NREP: variants seen among roughly 807,000 people sequenced by gnomAD.
NREP encodes the protein neuronal regeneration-related protein.
Under a neutral mutation model 8.6 loss-of-function variants are expected in NREP, and 5 were observed. The observed-to-expected ratio is 0.58, with a 90% CI of 0.30 to 1.22. The LOEUF (loss-of-function observed/expected upper bound fraction) is 1.22. Ranked by LOEUF, NREP falls within the 50% of genes most tolerant of loss-of-function variation. The pLI, the probability that NREP is intolerant of heterozygous loss-of-function variation, is 0.07. For missense variants in NREP, 86 were observed against 82.5 expected (o/e 1.04, Z -0.17); for synonymous variants, 27 against 28.0 (o/e 0.96, Z 0.11).
At chr5:111,774,389 T>C (rs1250433257) in intron 2 of NREP, among the ~76,000 whole-genome samples, 1 of 152,160 alleles carries the variant, frequency 6.6e-6, no homozygotes, top group Non-Finnish European at 1.5e-5. Context: ...TTACCTTACA[T>C]GGTAAAAGAG....
intron 2 of NREP, among the ~76,000 whole-genome samples, chr5:111,904,857 C>A (rs1485700155): frequency 6.6e-6 from 1 of 152,082 alleles, no homozygotes; most frequent in Non-Finnish European, 1.5e-5. Context: ...CCTGAACAGA[C>A]CCTTCACGAG....
At chr5:111,872,529 AAGTCCGATGTCC>A (rs1329282841) in intron 2 of NREP, among the ~76,000 whole-genome samples, 4 of 152,202 alleles carry the variant, frequency 2.6e-5, no homozygotes, top group Non-Finnish European at 4.4e-5. Flanking sequence ...GATCTTTAGG[AAGTCCGATGTCC>A]GGCCACTATT....
chr5:111,778,000 A>G (rs894306303), intron 2 of NREP, among the ~76,000 whole-genome samples: 9 of 152,148 alleles, frequency 5.9e-5, no homozygotes, highest in African/African-American at 1.9e-4. Context: ...GCAAAATATC[A>G]AAACAACTTC....
rs62370262 is a variant in NREP, at chr5:111,897,365, A to G, written c.135+77909T>C. Among the ~76,000 whole-genome samples, 816 of 152,324 alleles carry G rather than the reference A, an allele frequency of 5.4e-3. 5 individuals are homozygous for G. The highest frequency in any genetic ancestry group is 8.7e-3 in the Non-Finnish European group (590 of 68,024). ...CAACACTGTGCCAGTGCATTCTACAAGGCAACTCACACTATATGTGATGCC... is the reference window on the plus strand; with the variant it reads ...CAACACTGTGCCAGTGCATTCTACAGGGCAACTCACACTATATGTGATGCC... On this transcript the variant is annotated intron_variant, in intron 2 of 3. Coordinates refer to the NREP transcript ENST00000395634.
intron 2 of NREP, among the ~76,000 whole-genome samples, chr5:111,835,614 C>T (rs1365829331): frequency 2.0e-5 from 3 of 151,858 alleles, no homozygotes; most frequent in Admixed American, 6.6e-5. Context: ...GGGAGGTCAA[C>T]CAAGATAGAA....
At chr5:111,826,445 G>A (rs1035142753) in intron 2 of NREP, among the ~76,000 whole-genome samples, 1 of 152,216 alleles carries the variant, frequency 6.6e-6, no homozygotes, top group African/African-American at 2.4e-5. Flanking sequence ...TTTATGAGCT[G>A]TAACACTGAC....
At chr5:111,936,930 G>A (rs1755700943) in intron 2 of NREP, among the ~76,000 whole-genome samples, 1 of 152,084 alleles carries the variant, frequency 6.6e-6, no homozygotes, top group Admixed American at 6.6e-5. Context: ...TCATGGAAGT[G>A]TTTTTGACTC....
At chr5:111,834,026 G>A (rs970349381) in intron 2 of NREP, among the ~76,000 whole-genome samples, 2 of 152,170 alleles carry the variant, frequency 1.3e-5, no homozygotes, top group African/African-American at 4.8e-5. Flanking sequence ...CCTAAGCTCA[G>A]GCTCCTCTCC....
intron 2 of NREP, among the ~76,000 whole-genome samples, chr5:111,890,116 A>G (rs1433496691): frequency 2.0e-5 from 3 of 152,192 alleles, no homozygotes; most frequent in Admixed American, 6.5e-5. Flanking sequence ...AGGTACAATC[A>G]TTGGTAAGCA....
intron 2 of NREP, among the ~76,000 whole-genome samples, chr5:111,958,189 T>TTTTATG (rs1458121915): frequency 6.8e-6 from 1 of 147,042 alleles, no homozygotes; most frequent in African/African-American, 2.6e-5. Flanking sequence ...ATATATTCTA[T>TTTTATG]TTTATGTTTT....
chr5:111,763,881 A>G (rs1053106565), intron 2 of NREP, among the ~76,000 whole-genome samples: 1 of 152,232 alleles, frequency 6.6e-6, no homozygotes, highest in Non-Finnish European at 1.5e-5. Flanking sequence ...ACAATTATAA[A>G]TGGGTATTTT....
chr5:111,760,417 T>C (rs145333424), upstream of NREP, among the ~76,000 whole-genome samples: 104 of 152,190 alleles, frequency 6.8e-4, no homozygotes, highest in Non-Finnish European at 1.1e-3. Flanking sequence ...AGGATTTTCG[T>C]AGGGAGGAGG....
intron 2 of NREP, among the ~76,000 whole-genome samples, chr5:111,912,922 T>G (rs1754952577): frequency 6.6e-6 from 1 of 152,144 alleles, no homozygotes; most frequent in South Asian, 2.1e-4. Context: ...ATTTTTTTCT[T>G]CCTACACAAA....
intron 2 of NREP, among the ~76,000 whole-genome samples, chr5:111,866,026 A>G (rs1753655993): frequency 6.6e-6 from 1 of 152,208 alleles, no homozygotes; most frequent in Non-Finnish European, 1.5e-5. Context: ...CTTAAAATGC[A>G]GAGCTCTCTT....
At chr5:111,874,834 T>C (rs1040562858) in intron 2 of NREP, among the ~76,000 whole-genome samples, 4 of 152,138 alleles carry the variant, frequency 2.6e-5, no homozygotes, top group African/African-American at 7.2e-5. Context: ...TAAAGTGAAC[T>C]AAATAGGATG....
At chr5:111,838,759 TATA>T (rs1196085617) in intron 2 of NREP, among the ~76,000 whole-genome samples, 3 of 152,046 alleles carry the variant, frequency 2.0e-5, no homozygotes, top group Admixed American at 1.3e-4. Context: ...AAGACATACA[TATA>T]ATGATATAAT....
At chr5:111,814,873 T>C (rs534632691) in intron 2 of NREP, among the ~76,000 whole-genome samples, 23 of 151,320 alleles carry the variant, frequency 1.5e-4, no homozygotes, top group African/African-American at 5.6e-4. Flanking sequence ...ATATTGAGTT[T>C]GAAAGGAGTA....
At chr5:111,751,788 C>A (rs533503753) in intron 2 of NREP, among the ~76,000 whole-genome samples, 1 of 152,280 alleles carries the variant, frequency 6.6e-6, no homozygotes, top group East Asian at 1.9e-4. Context: ...CAAGATGAAT[C>A]AGACAAAATC....
At chr5:111,860,191 TG>T (rs1423903865) in intron 2 of NREP, among the ~76,000 whole-genome samples, 2 of 152,154 alleles carry the variant, frequency 1.3e-5, no homozygotes, top group African/African-American at 4.8e-5. Context: ...TATGTGTACT[TG>T]GGGAATAGGA....
Sources: gnomAD v4.1 joint callset for allele counts (sites outside exome capture counted in the v4.1 genomes callset) on GRCh38, gnomAD v4.1.1 for gene constraint, MANE v1.5 for transcripts, NCBI Gene and HGNC (gene_info 2026-07-23, HGNC 2026-07-21) for gene names.